DISP1: variants seen among roughly 807,000 people sequenced by gnomAD.
DISP1 encodes protein dispatched homolog 1.
A neutral mutation model predicts 37.3 loss-of-function variants in DISP1; 30 were observed. The observed-to-expected ratio is 0.80, with a 90% CI of 0.60 to 1.09. DISP1 has a LOEUF of 1.09. Among genes scored for constraint, DISP1 ranks in the 50% least tolerant of loss-of-function variants. The pLI, the probability that DISP1 is intolerant of heterozygous loss-of-function variation, is 0.00. For synonymous variants in DISP1, 634 were observed against 690.2 expected (o/e 0.92, Z 1.28); for missense variants, 1,598 against 1,879.5 (o/e 0.85, Z 2.77).
chr1:222,839,044 T>C (rs924895934), intron 1 of DISP1, among the ~76,000 whole-genome samples: 1 of 152,174 alleles, frequency 6.6e-6, no homozygotes, highest in South Asian at 2.1e-4. Flanking sequence ...CTAGGGCTGT[T>C]AGTTGAAGAT....
intron 1 of DISP1, among the ~76,000 whole-genome samples, chr1:222,858,869 T>A (rs578122332): frequency 1.3e-5 from 2 of 152,306 alleles, no homozygotes; most frequent in East Asian, 3.9e-4. Context: ...TAGGAAAAGT[T>A]TTACACTGTT....
chr1:222,978,254 G>C (rs1283230275), intron 3 of DISP1, among the ~76,000 whole-genome samples: 1 of 152,104 alleles, frequency 6.6e-6, no homozygotes, highest in Non-Finnish European at 1.5e-5. Flanking sequence ...GTTTTGATTT[G>C]CATTTCTCTG....
At chr1:222,862,404 C>G (rs1380438518) in intron 1 of DISP1, among the ~76,000 whole-genome samples, 2 of 151,864 alleles carry the variant, frequency 1.3e-5, no homozygotes, top group Non-Finnish European at 2.9e-5. Context: ...CAAGAACCTT[C>G]TCTTTTATAA....
chr1:222,849,479 A>G (rs1668106228), intron 1 of DISP1, among the ~76,000 whole-genome samples: 1 of 151,676 alleles, frequency 6.6e-6, no homozygotes, highest in Non-Finnish European at 1.5e-5. Flanking sequence ...AAACCTTTCA[A>G]GATCACTGTA....
chr1:222,897,345 A>G (rs1161119744), intron 1 of DISP1, among the ~76,000 whole-genome samples: 2 of 152,196 alleles, frequency 1.3e-5, no homozygotes, highest in African/African-American at 4.8e-5. Context: ...GAGGGTTACA[A>G]GAGAACTTTT....
At chr1:222,970,347 A>T (rs1024743701) in intron 3 of DISP1, among the ~76,000 whole-genome samples, 7 of 151,996 alleles carry the variant, frequency 4.6e-5, no homozygotes, top group Non-Finnish European at 1.0e-4. Flanking sequence ...TTATTAAGCC[A>T]TTTATCTAGT....
At chr1:222,820,557 A>T (rs912850864) in intron 1 of DISP1, among the ~76,000 whole-genome samples, 2 of 152,200 alleles carry the variant, frequency 1.3e-5, no homozygotes, top group African/African-American at 4.8e-5. Context: ...TGGGGGATAG[A>T]ACATTATAGG....
intron 1 of DISP1, among the ~76,000 whole-genome samples, chr1:222,907,344 TAGAGC>T (rs1290822946): frequency 2.6e-5 from 4 of 152,170 alleles, no homozygotes; most frequent in Non-Finnish European, 4.4e-5. Context: ...GGGAAGAAAC[TAGAGC>T]AGAGATTCTC....
intron 1 of DISP1, among the ~76,000 whole-genome samples, chr1:222,862,081 T>G (rs1224429588): frequency 6.6e-6 from 1 of 152,208 alleles, no homozygotes; most frequent in African/African-American, 2.4e-5. Context: ...GTGTTCTGCT[T>G]ATCACCTCCT....
Position 222,824,634 on chromosome 1 carries a change from G to T in DISP1, c.-159+9556G>T, listed in dbSNP as rs1303988048. 3.3e-5 allele frequency among the ~76,000 whole-genome samples: 5 copies of T among 150,878 alleles called. No individual in the cohort carries two copies. In the Middle Eastern group the frequency reaches 0.014, roughly 411 times the overall value. On this transcript the variant is annotated intron_variant, in intron 1 of 8. Transcript: ENST00000675850. ...GTAATTCTTTTTTTTTTTCCAGGATGGTACCATAATTAATGTAGCATCTAG... is the reference window on the plus strand; with the variant it reads ...GTAATTCTTTTTTTTTTTCCAGGATTGTACCATAATTAATGTAGCATCTAG...
intron 3 of DISP1, among the ~76,000 whole-genome samples, chr1:222,955,989 T>C (rs773694728): frequency 6.6e-6 from 1 of 152,214 alleles, no homozygotes; most frequent in African/African-American, 2.4e-5. Context: ...CCAAATACTT[T>C]GAGATTCAAG....
At chr1:222,911,387 T>C (rs1315944609) in intron 1 of DISP1, among the ~76,000 whole-genome samples, 2 of 152,230 alleles carry the variant, frequency 1.3e-5, no homozygotes, top group African/African-American at 4.8e-5. Context: ...AGTTGGTATT[T>C]ACTTTGCTTC....
At chr1:222,897,920 AT>A in intron 1 of DISP1, among the ~76,000 whole-genome samples, 1 of 152,272 alleles carries the variant, frequency 6.6e-6, no homozygotes, top group African/African-American at 2.4e-5. Context: ...TATATTCCCC[AT>A]CGAATCTGAA....
chr1:222,873,974 G>A (rs1414302512), intron 1 of DISP1, among the ~76,000 whole-genome samples: 1 of 152,060 alleles, frequency 6.6e-6, no homozygotes, highest in Admixed American at 6.5e-5. Flanking sequence ...GCCTGGTGGT[G>A]ACAAAATCTC....
intron 1 of DISP1, among the ~76,000 whole-genome samples, chr1:222,837,817 A>C (rs1328030826): frequency 6.6e-6 from 1 of 152,160 alleles, no homozygotes; most frequent in Non-Finnish European, 1.5e-5. Context: ...AAAACCATAA[A>C]ATTTATGAAG....
At chr1:222,986,012 A>G (rs1330859661) in intron 4 of DISP1, among the ~76,000 whole-genome samples, 2 of 152,220 alleles carry the variant, frequency 1.3e-5, no homozygotes, top group Non-Finnish European at 2.9e-5. Context: ...ATTAAGAGAA[A>G]CAGAAAAGAA....
intron 3 of DISP1, among the ~76,000 whole-genome samples, chr1:222,970,395 G>T (rs1488347277): frequency 6.6e-6 from 1 of 152,032 alleles, no homozygotes; most frequent in Non-Finnish European, 1.5e-5. Context: ...CACATAAAGA[G>T]CCGGCATTAT....
chr1:222,845,294 T>C (rs1467142143), intron 1 of DISP1, among the ~76,000 whole-genome samples: 1 of 152,190 alleles, frequency 6.6e-6, no homozygotes. Flanking sequence ...CTTCATCCGT[T>C]CATTTGTCAT....
intron 1 of DISP1, among the ~76,000 whole-genome samples, chr1:222,889,488 C>T (rs1249762319): frequency 1.3e-5 from 2 of 151,430 alleles, no homozygotes; most frequent in Non-Finnish European, 2.9e-5. Context: ...TATCTTCTGG[C>T]TTTTGTGATA....
Sources: allele counts gnomAD v4.1 joint callset (sites outside exome capture counted in the v4.1 genomes callset), GRCh38; gene constraint gnomAD v4.1.1; transcripts MANE v1.5; gene names NCBI Gene and HGNC (gene_info 2026-07-23, HGNC 2026-07-21).